Variants in FAM193A observed in about 807,000 individuals in gnomAD.
FAM193A encodes protein FAM193A.
FAM193A carries 22 observed loss-of-function variants against 126.5 expected under a neutral mutation model. That is an observed-to-expected ratio of 0.17 (90% confidence interval 0.12 to 0.25). The LOEUF (loss-of-function observed/expected upper bound fraction) is 0.25, where lower values mean the gene tolerates loss of function less well. FAM193A is among the 10% of genes least tolerant of loss of function. The probability of loss-of-function intolerance (pLI) is 1.00; values close to 1 mark genes in which losing one functional copy is unlikely to be tolerated. For synonymous variants in FAM193A, 761 were observed against 646.8 expected, an observed-to-expected ratio of 1.18 and a Z score of -2.68; for missense variants, 1,675 against 1,672.8, an observed-to-expected ratio of 1.00 and a Z score of -0.02.
Position 2,731,962 on chromosome 4 carries a change from C to A in FAM193A, c.*94C>A. On this transcript the variant is annotated 3_prime_UTR_variant, in exon 21 of 21. Transcript: ENST00000637812. ...TCGCTGGCGCCCCAGAGCCGTGGTG[C>A]TTGCCAAGGGCTGTGCGGAGCTGGT... is the stretch of plus-strand genomic sequence containing the variant. 1.0e-6 allele frequency: 1 copy of A among 973,064 alleles called. No individual in the cohort carries two copies. Among genetic ancestry groups the A allele is most frequent in the Non-Finnish European group, 1.6e-6 (1 of 607,340 alleles). The allele number at this position is 973,064 out of a possible 1,614,324, so 60.3% of individuals were successfully genotyped here. A position where few individuals can be genotyped will look rare whatever the true frequency, so the allele number is the denominator to read the frequency against.
intron 2 of FAM193A, among the ~76,000 whole-genome samples, chr4:2,624,035 G>A (rs911543398): frequency 1.3e-5 from 2 of 152,134 alleles, no homozygotes; most frequent in African/African-American, 4.8e-5. Context: ...GTCCTTCTCA[G>A]GGCCTCTTCT....
chr4:2,613,769 T>C (rs1294970393), intron 2 of FAM193A, among the ~76,000 whole-genome samples: 3 of 70,504 alleles, frequency 4.3e-5, no homozygotes, highest in African/African-American at 4.0e-4. Flanking sequence ...TTTTTTTTTC[T>C]TTTTCTTTTT....
At chr4:2,631,360 T>G (rs908574312) in intron 5 of FAM193A, among the ~76,000 whole-genome samples, 191 bp downstream of exon 5, 1 of 152,080 alleles carries the variant, frequency 6.6e-6, no homozygotes, top group African/African-American at 2.4e-5. Flanking sequence ...TGCCACTGGA[T>G]AAAAGCATTG....
intron 1 of FAM193A, among the ~76,000 whole-genome samples, chr4:2,581,251 C>G (rs1306136983): frequency 7.2e-6 from 1 of 138,616 alleles, no homozygotes; most frequent in East Asian, 2.1e-4. Context: ...TATTTTCTTT[C>G]TTTCTTTTTT....
chr4:2,658,609 G>A (rs1369761867), intron 8 of FAM193A, among the ~76,000 whole-genome samples: 3 of 152,088 alleles, frequency 2.0e-5, no homozygotes, highest in African/African-American at 7.2e-5. Flanking sequence ...AATATTGGTG[G>A]TTCCCTGGCC....
chr4:2,706,415 GC>G (rs1388209360), intron 19 of FAM193A, among the ~76,000 whole-genome samples: 3 of 147,136 alleles, frequency 2.0e-5, no homozygotes, highest in African/African-American at 7.6e-5. Context: ...TCCTGCCTCT[GC>G]CTCCCAAGTA....
chr4:2,723,306 C>T (rs1165169433), intron 20 of FAM193A, among the ~76,000 whole-genome samples: 2 of 146,322 alleles, frequency 1.4e-5, no homozygotes. Flanking sequence ...AGGCCAGGCA[C>T]GGTGGCTCAT....
chr4:2,690,117 C>T (rs1434242695), intron 14 of FAM193A, among the ~76,000 whole-genome samples: 1 of 152,230 alleles, frequency 6.6e-6, no homozygotes, highest in African/African-American at 2.4e-5. Flanking sequence ...CACACTCCTT[C>T]CTCTGGTTAC....
At chr4:2,571,549 T>C (rs949785321) in intron 1 of FAM193A, among the ~76,000 whole-genome samples, 6 of 151,972 alleles carry the variant, frequency 3.9e-5, no homozygotes, top group African/African-American at 1.4e-4. Flanking sequence ...AGCAGAACTT[T>C]TTTTTTTTTG....
At position 2,700,501 on chromosome 4, in the gene FAM193A, G is replaced by C; in HGVS notation, c.4329G>C (p.Lys1443Asn). The C allele has an allele frequency of 6.2e-7, 1 of 1,612,548 alleles. No homozygotes were observed. The highest frequency in any genetic ancestry group is 8.5e-7 in the Non-Finnish European group (1 of 1,179,646). ...AESPQPKGKNKKNKKKKGDRV... is the reference protein window; with the variant it reads ...AESPQPKGKNNKNKKKKGDRV... ...CCCCTCAGCCAAAGGGCAAGAACAA[G>C]AAAAATAAGAAGAAGAAAGGAGACA... is the stretch of plus-strand genomic sequence containing the variant. Residue 1443 changes from lysine (K) to asparagine (N), a missense_variant, in exon 19 of 21, where the codon AAG becomes AAC. Coordinates refer to ENST00000637812, the MANE Select transcript of FAM193A (RefSeq NM_001366318.2).
intron 7 of FAM193A, among the ~76,000 whole-genome samples, chr4:2,653,457 T>C (rs985275320): frequency 6.6e-6 from 1 of 152,196 alleles, no homozygotes; most frequent in South Asian, 2.1e-4. Context: ...TTTATTTATT[T>C]TTTTTTAGAC....
chr4:2,730,525 C>T (rs1488243676), intron 20 of FAM193A, among the ~76,000 whole-genome samples: 5 of 152,002 alleles, frequency 3.3e-5, no homozygotes, highest in African/African-American at 9.7e-5. Flanking sequence ...CCCATCTCTA[C>T]TAAAAATAGA....
intron 13 of FAM193A, among the ~76,000 whole-genome samples, chr4:2,675,830 A>G (rs986196125): frequency 1.3e-5 from 2 of 151,966 alleles, no homozygotes; most frequent in Admixed American, 1.3e-4. Flanking sequence ...CCATTATTCT[A>G]CTTTGTCTCT....
intron 5 of FAM193A, among the ~76,000 whole-genome samples, chr4:2,637,972 A>T (rs1484269208): frequency 2.0e-5 from 3 of 152,254 alleles, no homozygotes; most frequent in Non-Finnish European, 1.5e-5. Context: ...TTTATTAAAA[A>T]TGCCAAATAT....
At chr4:2,555,490 A>G (rs1738193365) in intron 1 of FAM193A, among the ~76,000 whole-genome samples, 1 of 152,160 alleles carries the variant, frequency 6.6e-6, no homozygotes, top group Non-Finnish European at 1.5e-5. Flanking sequence ...ATTTTAATGG[A>G]ATTAACAGCT....
intron 17 of FAM193A, 157 bp from the exon 18 acceptor site, chr4:2,696,206 G>C (rs541650352): frequency 3.4e-6 from 2 of 593,018 alleles, no homozygotes; most frequent in Admixed American, 3.3e-5. Context: ...TTGCTGATAG[G>C]TTTTTCTCTT....
At chr4:2,727,246 A>T (rs956726007) in intron 20 of FAM193A, among the ~76,000 whole-genome samples, 1 of 151,286 alleles carries the variant, frequency 6.6e-6, no homozygotes, top group Admixed American at 6.6e-5. Context: ...CAACAGCAAG[A>T]CTCCGTCTCA....
chr4:2,603,954 T>C (rs1190585288), intron 2 of FAM193A, among the ~76,000 whole-genome samples: 1 of 152,060 alleles, frequency 6.6e-6, no homozygotes, highest in Non-Finnish European at 1.5e-5. Context: ...GTGATTCTCA[T>C]GCCTCAGCCT....
chr4:2,577,421 T>G (rs13136082), intron 1 of FAM193A, among the ~76,000 whole-genome samples: 30 of 128,194 alleles, frequency 2.3e-4, no homozygotes, highest in South Asian at 6.9e-4. Context: ...GTTTTTTTTT[T>G]GTTTTTTTTT....
Sources: allele counts gnomAD v4.1 joint callset (sites outside exome capture counted in the v4.1 genomes callset), GRCh38; gene constraint gnomAD v4.1.1; transcripts MANE v1.5; gene names NCBI Gene and HGNC (gene_info 2026-07-23, HGNC 2026-07-21).